The following PHACTR2 variants were observed in gnomAD, a reference collection of about 807,000 sequenced individuals.
The protein encoded by PHACTR2 is chromosome 6 open reading frame 56.
A neutral mutation model predicts 76.0 loss-of-function variants in PHACTR2; 30 were observed. That is an observed-to-expected ratio of 0.39 (90% CI 0.30 to 0.54). PHACTR2 has a LOEUF of 0.54. Among genes scored for constraint, PHACTR2 ranks in the 20% least tolerant of loss-of-function variants. PHACTR2 has a pLI of 0.61. For missense variants in PHACTR2, 696 were observed against 781.1 expected, an observed-to-expected ratio of 0.89 and a Z score of 1.30; for synonymous variants, 292 against 292.5, an observed-to-expected ratio of 1.00 and a Z score of 0.02.
chr6:143,697,784 C>T lies in PHACTR2; in HGVS notation c.47-14232C>T, dbSNP rs941400012. Among the ~76,000 whole-genome samples, 37 of 152,140 alleles carry T rather than the reference C, an allele frequency of 2.4e-4. No homozygotes were observed. The highest frequency in any genetic ancestry group is 2.4e-4 in the Non-Finnish European group (16 of 68,016). On this transcript the variant is annotated intron_variant, in intron 1 of 12. Transcript: ENST00000440869. The surrounding 1 kb of genome is among the most constrained non-coding windows in gnomAD (Gnocchi z 4.4). ...TTGTAAATTATTGCCCCACATTTAC[C>T]CATGACTTATTCTTTTTGTAAATAT... is the stretch of plus-strand genomic sequence containing the variant.
chr6:143,785,832 A>T (rs1433136024), intron 10 of PHACTR2, among the ~76,000 whole-genome samples: 2 of 152,216 alleles, frequency 1.3e-5, no homozygotes, highest in Non-Finnish European at 2.9e-5. Flanking sequence ...CCACAGCTGG[A>T]GTGGCTGGGG....
At position 143,813,392 on chromosome 6, in the gene PHACTR2, G is replaced by A. The variant is rs530982374; in HGVS notation, c.1922+6259G>A. Among the ~76,000 whole-genome samples, 50 of 152,146 alleles carry A rather than the reference G, an allele frequency of 3.3e-4. No homozygotes were observed. In the East Asian group the frequency reaches 6.8e-3, roughly 21 times the overall value. ...CCCAGCACTTTGGGAGGCTGAGGTC[G>A]GTGGATCACGAGGTCAGGAGATTGA... On this transcript the variant is annotated intron_variant, in intron 12 of 12. Transcript: ENST00000440869.
rs530985526 is a variant in PHACTR2 at position 143,646,029 on chromosome 6, A to C, written c.13+37707A>C. Among the ~76,000 whole-genome samples, 6 of 152,352 alleles carry C rather than the reference A, an allele frequency of 3.9e-5. No homozygotes were observed. Among genetic ancestry groups the C allele is most frequent in the African/African-American group, 1.2e-4 (5 of 41,596 alleles). On this transcript the variant is annotated intron_variant, in intron 1 of 11. Coordinates refer to the PHACTR2 transcript ENST00000305766. The surrounding 1 kb of genome is among the most constrained non-coding windows in gnomAD (Gnocchi z 4.1). ...AAAGATGAAGCATAGATTTAAAAAA[A>C]CTGGAGAAGAATAATTATGCAGAGA...
At position 143,656,753 on chromosome 6, in the gene PHACTR2, AACT is replaced by A. The variant is rs1256587616; in HGVS notation, c.13+48432_13+48434del. On this transcript the variant is annotated intron_variant, in intron 1 of 11. Transcript: ENST00000305766. This position sits in a 1 kb window ranked among gnomAD's most constrained non-coding sequence, Gnocchi z 5.3. ...TGATTAGCAAAGCATTTTAATTAAT[AACT>A]CAAACAGAAAAAGCATGTCTGTTAG... 6.6e-6 allele frequency among the ~76,000 whole-genome samples: 1 copy of A among 152,216 alleles called. No individual in the cohort carries two copies. The highest frequency in any genetic ancestry group is 1.5e-5 in the Non-Finnish European group (1 of 68,042).
At chr6:143,564,612 A>G (rs1348024024) in intron 1 of PHACTR2, among the ~76,000 whole-genome samples, 1 of 152,134 alleles carries the variant, frequency 6.6e-6, no homozygotes, top group Non-Finnish European at 1.5e-5. Flanking sequence ...GTGGGATATG[A>G]AGCATGTCAT....
rs2128452974 is a variant in PHACTR2, at chr6:143,680,592, G to A, written c.46+2383G>A. On this transcript the variant is annotated intron_variant, in intron 1 of 12. Coordinates refer to ENST00000440869, the MANE Select transcript of PHACTR2 (RefSeq NM_001100164.2). The surrounding 1 kb of genome is among the most constrained non-coding windows in gnomAD (Gnocchi z 4.5). ...CACCTAATTCTCTGGGTTCTAGGAA[G>A]ACCATTAATAATTTTTTCTGAAAAT... 6.6e-6 allele frequency among the ~76,000 whole-genome samples: 1 copy of A among 152,244 alleles called. No individual in the cohort carries two copies.
intron 1 of PHACTR2, 121 bp from the exon 2 acceptor site, chr6:143,711,895 T>C (rs751217369): frequency 3.5e-5 from 30 of 867,668 alleles, no homozygotes; most frequent in Middle Eastern, 2.1e-4. Context: ...AAATAAACTT[T>C]ATGTGAGATT....
Position 143,683,476 on chromosome 6 carries a change from C to T in PHACTR2, c.46+5267C>T, listed in dbSNP as rs1372955449. 6.6e-6 allele frequency among the ~76,000 whole-genome samples: 1 copy of T among 152,154 alleles called. No individual in the cohort carries two copies. The highest frequency in any genetic ancestry group is 2.4e-5 in the African/African-American group (1 of 41,428). On this transcript the variant is annotated intron_variant, in intron 1 of 12. Coordinates refer to ENST00000440869, the MANE Select transcript of PHACTR2 (RefSeq NM_001100164.2). The surrounding 1 kb of genome is among the most constrained non-coding windows in gnomAD (Gnocchi z 4.1). ...ACCCCATTTTCACGGTGCCACAGAT[C>T]AGCACTTGGCTGCTTCTCCTCAATC...
chr6:143,700,511 C>G lies in PHACTR2; in HGVS notation c.47-11505C>G, dbSNP rs1316596569. The stretch of plus-strand genomic sequence containing the variant: ...CGGAGGTTGCAGTGAGCTGAGATCT[C>G]ACCACTGCACTCCATCTGGGTGACA... On this transcript the variant is annotated intron_variant, in intron 1 of 12. Transcript: ENST00000440869. This position sits in a 1 kb window ranked among gnomAD's most constrained non-coding sequence, Gnocchi z 4.1. 6.6e-6 allele frequency among the ~76,000 whole-genome samples: 1 copy of G among 152,120 alleles called. No homozygotes were observed. Among genetic ancestry groups the G allele is most frequent in the East Asian group, 1.9e-4 (1 of 5,194 alleles).
In PHACTR2 at chr6:143,736,606, G is replaced by A. The variant is rs554017090; in HGVS notation, c.215-12379G>A. Among the ~76,000 whole-genome samples, 4 of 96,826 alleles carry A rather than the reference G, an allele frequency of 4.1e-5. No homozygotes were observed. In the East Asian group the frequency reaches 1.4e-3, roughly 34 times the overall value. 63.5% of individuals were successfully genotyped at this position (96,826 alleles called of 152,430 possible). On this transcript the variant is annotated intron_variant, in intron 2 of 12. Transcript: ENST00000440869. ...TTTTTTTTTTTTGAGACGGAGCCTT[G>A]CTCTGTCACCCAGGCTGGAGTGCAG... is the stretch of plus-strand genomic sequence containing the variant.
intron 1 of PHACTR2, among the ~76,000 whole-genome samples, chr6:143,538,612 C>T (rs1398955141): frequency 6.6e-6 from 1 of 152,240 alleles, no homozygotes; most frequent in East Asian, 1.9e-4. Context: ...GGGATCAGGC[C>T]TTCTTTGGGT....
chr6:143,621,558 A>G lies in PHACTR2; in HGVS notation c.13+13236A>G, dbSNP rs188032757. On this transcript the variant is annotated intron_variant, in intron 1 of 11. Transcript: ENST00000305766. This position sits in a 1 kb window ranked among gnomAD's most constrained non-coding sequence, Gnocchi z 4.1. ...TTTAATCACATTTACTGGCTTTCTC[A>G]AATTGAACATACCCCAACCCTTGAA... 1.1e-3 allele frequency among the ~76,000 whole-genome samples: 170 copies of G among 152,312 alleles called. 1 individual carries two copies. Among genetic ancestry groups the G allele is most frequent in the Non-Finnish European group, 6.5e-4 (44 of 68,044 alleles).
chr6:143,688,993 T>C lies in PHACTR2; in HGVS notation c.46+10784T>C, dbSNP rs1777581314. Among the ~76,000 whole-genome samples the C allele has an allele frequency of 6.6e-6, 1 of 152,218 alleles. No individual in the cohort carries two copies. The highest frequency in any genetic ancestry group is 1.5e-5 in the Non-Finnish European group (1 of 68,030). Reference sequence around the variant, plus strand: ...CCTGCCCACCTCTCTGACCTCATCTTCCATCACTTTGCTCTGGTCCCCTCA... The same window carrying C: ...CCTGCCCACCTCTCTGACCTCATCTCCCATCACTTTGCTCTGGTCCCCTCA... On this transcript the variant is annotated intron_variant, in intron 1 of 12. Coordinates refer to ENST00000440869, the MANE Select transcript of PHACTR2 (RefSeq NM_001100164.2). The surrounding 1 kb of genome is among the most constrained non-coding windows in gnomAD (Gnocchi z 5.2).
In PHACTR2 at chr6:143,710,395, GA is replaced by G. The variant is rs1778147805; in HGVS notation, c.47-1616del. 6.6e-6 allele frequency among the ~76,000 whole-genome samples: 1 copy of G among 152,144 alleles called. No homozygotes were observed. The highest frequency in any genetic ancestry group is 1.9e-4 in the East Asian group (1 of 5,196). On this transcript the variant is annotated intron_variant, in intron 1 of 12. Coordinates refer to ENST00000440869, the MANE Select transcript of PHACTR2 (RefSeq NM_001100164.2). The surrounding 1 kb of genome is among the most constrained non-coding windows in gnomAD (Gnocchi z 4.9). ...TAGTTGTATTTAGCCAGAGGAATAA[GA>G]AAAAGTTAAGTTTGGGCTGCGTGTG...
At position 143,743,459 on chromosome 6, in the gene PHACTR2, G is replaced by GT. The variant is rs1487431955; in HGVS notation, c.215-5521dup. On this transcript the variant is annotated intron_variant, in intron 2 of 12. Coordinates refer to ENST00000440869, the MANE Select transcript of PHACTR2 (RefSeq NM_001100164.2). This position sits in a 1 kb window ranked among gnomAD's most constrained non-coding sequence, Gnocchi z 5.0. Reference sequence around the variant, plus strand: ...CAAAAAAATCGCCAGACCCCTGAGTGTTTTTAGGTGGGGATGTTGGCTTTG... The same window carrying GT: ...CAAAAAAATCGCCAGACCCCTGAGTGTTTTTTAGGTGGGGATGTTGGCTTTG... Among the ~76,000 whole-genome samples, 6 of 152,312 alleles carry GT rather than the reference G, an allele frequency of 3.9e-5. No individual in the cohort carries two copies. The highest frequency in any genetic ancestry group is 1.2e-4 in the African/African-American group (5 of 41,574).
rs953289269 is a variant in PHACTR2, at chr6:143,740,641, G to A, written c.215-8344G>A. 9.9e-5 allele frequency among the ~76,000 whole-genome samples: 15 copies of A among 152,240 alleles called. 1 individual carries two copies. The highest frequency in any genetic ancestry group is 3.4e-4 in the African/African-American group (14 of 41,554). ...GGTTCAAGTCTAATAGTTGGGAGGC[G>A]GGGTGAGAGTGAGAATTTACACTGT... is the stretch of plus-strand genomic sequence containing the variant. On this transcript the variant is annotated intron_variant, in intron 2 of 12. Coordinates refer to ENST00000440869, the MANE Select transcript of PHACTR2 (RefSeq NM_001100164.2).
rs1041791956 is a variant in PHACTR2 at position 143,678,632 on chromosome 6, T to G, written c.46+423T>G. Among the ~76,000 whole-genome samples the G allele has an allele frequency of 2.0e-5, 3 of 152,198 alleles. No individual in the cohort carries two copies. The highest frequency in any genetic ancestry group is 7.2e-5 in the African/African-American group (3 of 41,440). ...ATGCTTTCAAGCTTGTCAACTGATTTATGGTTTGTTATTCGGAGTAGAAGC... is the reference window on the plus strand; with the variant it reads ...ATGCTTTCAAGCTTGTCAACTGATTGATGGTTTGTTATTCGGAGTAGAAGC... On this transcript the variant is annotated intron_variant, in intron 1 of 12. Transcript: ENST00000440869. This position sits in a 1 kb window ranked among gnomAD's most constrained non-coding sequence, Gnocchi z 6.2.
In PHACTR2 at chr6:143,678,698, C is replaced by T. The variant is rs201023114; in HGVS notation, c.46+489C>T. On this transcript the variant is annotated intron_variant, in intron 1 of 12. Coordinates refer to ENST00000440869, the MANE Select transcript of PHACTR2 (RefSeq NM_001100164.2). This position sits in a 1 kb window ranked among gnomAD's most constrained non-coding sequence, Gnocchi z 6.2. ...CTGGCAGACGCTGAATACTTAATAA[C>T]TAGCCCCGAAATGCGTAATTGTTTC... Among the ~76,000 whole-genome samples, 63 of 152,314 alleles carry T rather than the reference C, an allele frequency of 4.1e-4. No homozygotes were observed. The East Asian group carries it at 0.011, about 26-fold the overall frequency.
At chr6:143,812,843 C>G (rs1283643742) in intron 12 of PHACTR2, among the ~76,000 whole-genome samples, 1 of 152,148 alleles carries the variant, frequency 6.6e-6, no homozygotes, top group African/African-American at 2.4e-5. Context: ...ACCAACATGG[C>G]AAACAAAAGC....
Sources: gnomAD v4.1 joint callset for allele counts (sites outside exome capture counted in the v4.1 genomes callset) on GRCh38, gnomAD v4.1.1 for gene constraint, Gnocchi (gnomAD v3.1) non-coding constraint, MANE v1.5 for transcripts, NCBI Gene and HGNC (gene_info 2026-07-23, HGNC 2026-07-21) for gene names.